Variants in STK32B observed in about 807,000 individuals in gnomAD.
STK32B encodes the protein serine/threonine-protein kinase 32B.
Under a neutral mutation model 52.6 loss-of-function variants are expected in STK32B, and 43 were observed. The ratio of observed to expected loss-of-function variants is 0.82; its 90% CI spans 0.64 to 1.05. The LOEUF is 1.05. Ranked by LOEUF, STK32B falls within the 50% of genes least tolerant of loss-of-function variation. The pLI, the probability that STK32B is intolerant of heterozygous loss-of-function variation, is 0.00. For missense variants in STK32B, 621 were observed against 534.6 expected (o/e 1.16, Z -1.59); for synonymous variants, 238 against 204.3 (o/e 1.17, Z -1.41).
At chr4:5,377,705 G>T (rs115462645) in intron 4 of STK32B, among the ~76,000 whole-genome samples, 4,817 of 152,224 alleles carry the variant, frequency 0.032, 251 homozygotes, top group African/African-American at 0.11. Flanking sequence ...AGTGAGTGAG[G>T]TCTCATGGGA....
intron 4 of STK32B, among the ~76,000 whole-genome samples, chr4:5,393,695 G>A (rs2109039848): frequency 6.6e-6 from 1 of 152,152 alleles, no homozygotes; most frequent in East Asian, 1.9e-4. Flanking sequence ...AACCATTCAG[G>A]AGAAACCACC....
chr4:5,463,479 C>T (rs1717189771), intron 9 of STK32B, among the ~76,000 whole-genome samples: 2 of 63,696 alleles, frequency 3.1e-5, no homozygotes, highest in Admixed American at 1.2e-4. Context: ...CTCACACACT[C>T]AGTCACACTC....
At chr4:5,423,229 G>A (rs1384886273) in intron 6 of STK32B, among the ~76,000 whole-genome samples, 1 of 152,172 alleles carries the variant, frequency 6.6e-6, no homozygotes, top group African/African-American at 2.4e-5. Flanking sequence ...TGGTCCAGGT[G>A]AAGTGTGGGC....
intron 1 of STK32B, among the ~76,000 whole-genome samples, chr4:5,115,192 A>G (rs1714648070): frequency 6.6e-6 from 1 of 152,026 alleles, no homozygotes; most frequent in Non-Finnish European, 1.5e-5. Context: ...TCCAAATGTG[A>G]TTGTCACTCT....
chr4:5,349,374 A>G (rs927945509), intron 4 of STK32B, among the ~76,000 whole-genome samples: 7 of 152,150 alleles, frequency 4.6e-5, no homozygotes, highest in African/African-American at 1.7e-4. Flanking sequence ...GACACTATCA[A>G]TGCTGTTTTA....
chr4:5,344,173 C>T (rs1228193060), intron 4 of STK32B, among the ~76,000 whole-genome samples: 1 of 152,132 alleles, frequency 6.6e-6, no homozygotes, highest in African/African-American at 2.4e-5. Context: ...AATTCAGAGT[C>T]ACATAAATAT....
At chr4:5,243,768 A>C (rs7698252) in intron 3 of STK32B, among the ~76,000 whole-genome samples, 5,116 of 152,126 alleles carry the variant, frequency 0.034, 278 homozygotes, top group African/African-American at 0.12. Context: ...TACCTAATTT[A>C]TTGAGAGTTT....
intron 3 of STK32B, among the ~76,000 whole-genome samples, chr4:5,212,612 C>T (rs147898032): frequency 8.7e-4 from 132 of 152,352 alleles, no homozygotes; most frequent in African/African-American, 3.0e-3. Flanking sequence ...TTCATCCAAA[C>T]TTTCCAATTT....
intron 5 of STK32B, among the ~76,000 whole-genome samples, chr4:5,402,656 T>A (rs1182844196): frequency 6.6e-6 from 1 of 152,202 alleles, no homozygotes; most frequent in African/African-American, 2.4e-5. Flanking sequence ...CTTGAGAAGC[T>A]CTCATTTGAT....
intron 4 of STK32B, among the ~76,000 whole-genome samples, chr4:5,393,613 G>T (rs187453907): frequency 2.0e-4 from 31 of 152,228 alleles, no homozygotes; most frequent in East Asian, 1.4e-3. Flanking sequence ...GAGAGACAGT[G>T]GGGGAGGTGC....
intron 2 of STK32B, among the ~76,000 whole-genome samples, chr4:5,155,389 CTT>C (rs1335550236): frequency 2.0e-5 from 3 of 152,228 alleles, no homozygotes; most frequent in Non-Finnish European, 4.4e-5. Context: ...AATGTTTCCT[CTT>C]GTTCGCTGTT....
At chr4:5,163,951 C>T (rs1174805733) in intron 2 of STK32B, among the ~76,000 whole-genome samples, 2 of 152,162 alleles carry the variant, frequency 1.3e-5, no homozygotes, top group African/African-American at 4.8e-5. Context: ...GGGCCACATG[C>T]TATGGCTGGC....
At chr4:5,168,490 G>C (rs778962634) in intron 3 of STK32B, 40 bp downstream of exon 3, 2 of 1,570,530 alleles carry the variant, frequency 1.3e-6, no homozygotes, top group African/African-American at 1.4e-5. Context: ...GGGTTCCCCT[G>C]TGGGGAGCCA....
chr4:5,021,605 C>T, the STK32B span, among the ~76,000 whole-genome samples: 1 of 152,212 alleles, frequency 6.6e-6, no homozygotes, highest in Non-Finnish European at 1.5e-5. Context: ...CAAACAAGTC[C>T]TGCACCATTA....
chr4:5,142,328 A>G (rs1716540336), intron 2 of STK32B, among the ~76,000 whole-genome samples: 1 of 152,152 alleles, frequency 6.6e-6, no homozygotes, highest in African/African-American at 2.4e-5. Flanking sequence ...TCTTTTACTT[A>G]TGTGGACCTT....
intron 4 of STK32B, among the ~76,000 whole-genome samples, chr4:5,352,513 C>G (rs1281923683): frequency 2.0e-5 from 3 of 151,842 alleles, no homozygotes; most frequent in Admixed American, 6.6e-5. Context: ...AAGCTGAAAT[C>G]CTTTCCCCTA....
intron 2 of STK32B, among the ~76,000 whole-genome samples, chr4:5,159,800 A>AAT (rs560375977): frequency 2.8e-4 from 42 of 147,538 alleles, no homozygotes; most frequent in African/African-American, 9.8e-4. Context: ...TATATATATG[A>AAT]ATATATATAT....
chr4:5,156,038 C>T (rs1390213452), intron 2 of STK32B, among the ~76,000 whole-genome samples: 1 of 151,624 alleles, frequency 6.6e-6, no homozygotes, highest in African/African-American at 2.4e-5. Flanking sequence ...ACCTATAGAT[C>T]CACCACAAAA....
intron 1 of STK32B, among the ~76,000 whole-genome samples, chr4:5,061,180 T>G (rs1742203625): frequency 6.6e-6 from 1 of 152,224 alleles, no homozygotes; most frequent in African/African-American, 2.4e-5. Flanking sequence ...CTTCTTTGCT[T>G]TTTGTTCTTT....
Sources: gnomAD v4.1 joint callset for allele counts (sites outside exome capture counted in the v4.1 genomes callset) on GRCh38, gnomAD v4.1.1 for gene constraint, MANE v1.5 for transcripts, NCBI Gene and HGNC (gene_info 2026-07-23, HGNC 2026-07-21) for gene names.